GLI3: variants seen among roughly 807,000 people sequenced by gnomAD.
GLI3 encodes the protein transcription activator GLI3.
A neutral mutation model predicts 100.8 loss-of-function variants in GLI3; 20 were observed. That is an observed-to-expected ratio of 0.20 (90% confidence interval 0.14 to 0.29). The LOEUF (loss-of-function observed/expected upper bound fraction) is 0.29. Among genes scored for constraint, GLI3 ranks in the 10% least tolerant of loss-of-function variants. The pLI is 1.00. For synonymous variants in GLI3, 938 were observed against 860.5 expected, an observed-to-expected ratio of 1.09 and a Z score of -1.58; for missense variants, 2,040 against 2,128.5, an observed-to-expected ratio of 0.96 and a Z score of 0.82.
intron 2 of GLI3, among the ~76,000 whole-genome samples, chr7:42,189,023 T>C (rs1346865176): frequency 2.6e-5 from 4 of 152,148 alleles, no homozygotes; most frequent in Non-Finnish European, 5.9e-5. Flanking sequence ...TCCATGTTGG[T>C]TCACCAGTTG....
At chr7:42,069,204 A>G (rs1784738262) in intron 4 of GLI3, among the ~76,000 whole-genome samples, 1 of 152,234 alleles carries the variant, frequency 6.6e-6, no homozygotes, top group Non-Finnish European at 1.5e-5. Flanking sequence ...AATATACACT[A>G]TAATTAGGGC....
At chr7:42,041,309 CA>C (rs1784130857) in intron 6 of GLI3, among the ~76,000 whole-genome samples, 1 of 152,182 alleles carries the variant, frequency 6.6e-6, no homozygotes, top group Non-Finnish European at 1.5e-5. Flanking sequence ...CAACTTAATA[CA>C]ATGGTTTCTT....
chr7:42,226,297 T>C (rs1264189286), intron 1 of GLI3, among the ~76,000 whole-genome samples: 1 of 152,236 alleles, frequency 6.6e-6, no homozygotes. Flanking sequence ...AAGAACTAAG[T>C]ATCTTCCTTA....
intron 2 of GLI3, among the ~76,000 whole-genome samples, chr7:42,165,010 C>T (rs1379109190): frequency 1.3e-5 from 2 of 151,242 alleles, no homozygotes; most frequent in African/African-American, 4.9e-5. Flanking sequence ...AGCAGCGACA[C>T]GTGCCTGTAA....
chr7:42,261,901 T>TTTCCATCCCTTCC (rs1554345608), intron 1 of GLI3, among the ~76,000 whole-genome samples: 2 of 136,448 alleles, frequency 1.5e-5, no homozygotes, highest in Admixed American at 1.5e-4. Context: ...CTTCCCTTCC[T>TTTCCATCCCTTCC]TTCCCTCCCT....
At chr7:42,116,935 C>A (rs1462244541) in intron 3 of GLI3, among the ~76,000 whole-genome samples, 1 of 152,182 alleles carries the variant, frequency 6.6e-6, no homozygotes, top group Non-Finnish European at 1.5e-5. Context: ...AAGTTATCTA[C>A]ATCCTCCCTT....
At chr7:42,121,281 GAGTTTCTGATTCAGTA>G (rs1485089329) in intron 3 of GLI3, among the ~76,000 whole-genome samples, 1 of 152,200 alleles carries the variant, frequency 6.6e-6, no homozygotes, top group Non-Finnish European at 1.5e-5. Context: ...CCCAGCCCAA[GAGTTTCTGATTCAGTA>G]AGACAGAGAA....
chr7:42,220,443 C>T (rs1788463799), intron 2 of GLI3, among the ~76,000 whole-genome samples: 1 of 152,124 alleles, frequency 6.6e-6, no homozygotes, highest in Non-Finnish European at 1.5e-5. Flanking sequence ...CGAATAGTGT[C>T]CCAACTTGGA....
At chr7:42,154,374 T>C (rs1168271251) in intron 2 of GLI3, among the ~76,000 whole-genome samples, 1 of 152,164 alleles carries the variant, frequency 6.6e-6, no homozygotes, top group East Asian at 1.9e-4. Flanking sequence ...GTTCCAGGCA[T>C]TTTTAATGTG....
At chr7:42,083,679 A>T (rs1562720058) in intron 3 of GLI3, among the ~76,000 whole-genome samples, 2 of 152,236 alleles carry the variant, frequency 1.3e-5, no homozygotes, top group African/African-American at 4.8e-5. Flanking sequence ...AGAAAAAAAA[A>T]TATCAATTTT....
chr7:42,049,722 T>TA (rs144118089), intron 4 of GLI3, among the ~76,000 whole-genome samples: 3,626 of 152,294 alleles, frequency 0.024, 50 homozygotes, highest in African/African-American at 0.029. Flanking sequence ...CCAGTCTGCA[T>TA]AACCTCCTGG....
At position 41,964,411 on chromosome 7, in the gene GLI3, G is replaced by T; in HGVS notation, c.4662C>A (p.Thr1554=). 1 of 1,613,964 alleles carries T rather than the reference G, an allele frequency of 6.2e-7. No individual in the cohort carries two copies. The highest frequency in any genetic ancestry group is 8.5e-7 in the Non-Finnish European group (1 of 1,179,816). ...TCATGTCCCCGATAGCCATGTTGGT[G>T]GTGCTCATGGACAGCGCTGGGAATG... The part of the protein sequence containing the change: ...SLPFPALSMS[T]TNMAIGDMSS... Residue 1554 remains threonine (T), a synonymous_variant, in exon 15 of 15, where the codon ACC becomes ACA. Coordinates refer to ENST00000395925, the MANE Select transcript of GLI3 (RefSeq NM_000168.6).
intron 2 of GLI3, among the ~76,000 whole-genome samples, chr7:42,148,955 C>T (rs1216507117): frequency 6.6e-6 from 1 of 152,160 alleles, no homozygotes; most frequent in Non-Finnish European, 1.5e-5. Flanking sequence ...GATGTAGGGC[C>T]TTTGCTCCTA....
intron 1 of GLI3, among the ~76,000 whole-genome samples, chr7:42,261,136 T>C (rs1472031257): frequency 2.6e-5 from 4 of 151,976 alleles, no homozygotes; most frequent in Non-Finnish European, 4.4e-5. Context: ...CTGACAATCA[T>C]GGCAGAAGGC....
At chr7:42,055,065 G>A (rs11767789) in intron 4 of GLI3, among the ~76,000 whole-genome samples, 24 of 80,578 alleles carry the variant, frequency 3.0e-4, no homozygotes, top group African/African-American at 2.5e-4. Context: ...ACACATATAT[G>A]TATACATATA....
intron 2 of GLI3, among the ~76,000 whole-genome samples, chr7:42,149,756 T>A (rs1786811798): frequency 6.6e-6 from 1 of 152,214 alleles, no homozygotes; most frequent in African/African-American, 2.4e-5. Flanking sequence ...CATATACAAA[T>A]TTATCTTCAA....
intron 2 of GLI3, among the ~76,000 whole-genome samples, chr7:42,190,537 T>C (rs1787807349): frequency 6.6e-6 from 1 of 152,194 alleles, no homozygotes. Context: ...AAATAGCTCT[T>C]CAAAATTATT....
chr7:41,971,815 C>A (rs142412845), intron 13 of GLI3, among the ~76,000 whole-genome samples: 2 of 152,330 alleles, frequency 1.3e-5, no homozygotes, highest in Non-Finnish European at 2.9e-5. Flanking sequence ...GCACTGAACT[C>A]CTGTCCCATG....
intron 3 of GLI3, among the ~76,000 whole-genome samples, chr7:42,142,419 T>C (rs982116921): frequency 3.3e-5 from 5 of 152,160 alleles, no homozygotes; most frequent in Admixed American, 1.3e-4. Flanking sequence ...TCTCTCTTGG[T>C]CTTTTCTTTC....
Sources: allele counts gnomAD v4.1 joint callset (sites outside exome capture counted in the v4.1 genomes callset), GRCh38; gene constraint gnomAD v4.1.1; transcripts MANE v1.5; gene names NCBI Gene and HGNC (gene_info 2026-07-23, HGNC 2026-07-21).